Variants in NBPF3 observed in about 807,000 individuals in gnomAD.
NBPF3 encodes the protein NBPF family member NBPF3.
In NBPF3, 57 loss-of-function variants were observed where a neutral mutation model predicts 78.1. The ratio of observed to expected loss-of-function variants is 0.73; its 90% confidence interval spans 0.59 to 0.91. The LOEUF is 0.91. Ranked by LOEUF, NBPF3 falls within the 40% of genes least tolerant of loss-of-function variation. The probability of loss-of-function intolerance (pLI) is 0.00; values close to 1 mark genes in which losing one functional copy is unlikely to be tolerated. For missense variants in NBPF3, 510 were observed against 715.3 expected (o/e 0.71, Z 3.27); for synonymous variants, 182 against 271.7 (o/e 0.67, Z 3.25).
At chr1:21,453,602 C>G (rs959483250) in intron 2 of NBPF3, 1 of 152,150 alleles carries the variant, frequency 6.6e-6, no homozygotes, top group African/African-American at 2.4e-5. Context: ...AGAGATAAGG[C>G]GGGAGGGATT....
chr1:21,442,150 C>T (rs1640688666), intron 1 of NBPF3: 2 of 152,124 alleles, frequency 1.3e-5, no homozygotes, highest in African/African-American at 4.8e-5. Flanking sequence ...TATTGCATTT[C>T]CCTTTTTTCA....
intron 9 of NBPF3, 152 bp downstream of exon 9, chr1:21,478,459 C>T (rs1481808354): frequency 5.3e-5 from 55 of 1,035,516 alleles, no homozygotes; most frequent in Non-Finnish European, 7.9e-5. Context: ...ACTCTGGAAT[C>T]GAGTCTGAAG....
At chr1:21,445,615 G>C (rs1640924456) in intron 2 of NBPF3, among the ~76,000 whole-genome samples, 1 of 149,312 alleles carries the variant, frequency 6.7e-6, no homozygotes, top group African/African-American at 2.5e-5. Flanking sequence ...CCCCCTCCCT[G>C]TCCACCTGCA....
chr1:21,474,493 T>G (rs1642783777), intron 7 of NBPF3, among the ~76,000 whole-genome samples: 1 of 152,236 alleles, frequency 6.6e-6, no homozygotes, highest in Non-Finnish European at 1.5e-5. Context: ...ATGCAAGAGT[T>G]GTTAGAATTT....
intron 1 of NBPF3, among the ~76,000 whole-genome samples, chr1:21,443,251 T>A (rs1423592372): frequency 1.3e-5 from 2 of 152,218 alleles, no homozygotes; most frequent in South Asian, 2.1e-4. Flanking sequence ...TAAATGATTG[T>A]CAGTTTCTTG....
chr1:21,439,488 TC>T (rs1159000409), upstream of NBPF3, among the ~76,000 whole-genome samples: 2 of 30,534 alleles, frequency 6.6e-5, no homozygotes, highest in Non-Finnish European at 8.4e-4. Context: ...AGACTCTATC[TC>T]AAAAAAAAAA....
chr1:21,436,961 G>A (rs1640438378), upstream of NBPF3: 2 of 371,424 alleles, frequency 5.4e-6, no homozygotes, highest in Non-Finnish European at 9.6e-6. The surrounding 1 kb of genome is among the most constrained non-coding windows in gnomAD (Gnocchi z 4.3). Flanking sequence ...AATAGTGTCT[G>A]AGAGTGTCAG....
intron 1 of NBPF3, chr1:21,440,708 G>C (rs932020450): frequency 4.6e-5 from 7 of 152,470 alleles, no homozygotes; most frequent in African/African-American, 1.4e-4. Flanking sequence ...CCCTCTGCGG[G>C]CCTGAGAGGC....
At chr1:21,457,809 GACCA>G in intron 2 of NBPF3, among the ~76,000 whole-genome samples, 1 of 152,298 alleles carries the variant, frequency 6.6e-6, no homozygotes, top group East Asian at 1.9e-4. Flanking sequence ...TGTATTTCCA[GACCA>G]GACTGAGGGG....
At position 21,479,418 on chromosome 1, in the gene NBPF3, T is replaced by C. The variant is rs1368325019; in HGVS notation, c.1208+18T>C. The C allele has an allele frequency of 3.7e-6, 6 of 1,606,616 alleles. No homozygotes were observed. Among genetic ancestry groups the C allele is most frequent in the Middle Eastern group, 1.7e-4 (1 of 6,044 alleles). On this transcript the variant is annotated intron_variant, in intron 10 of 14. Transcript: ENST00000318249. ...AGTCCCAGGTGAGTCTGAGAAATTA[T>C]GGACAGTTAATTTGATGTTGACACC...
chr1:21,457,743 T>G (rs1427853321), intron 2 of NBPF3, among the ~76,000 whole-genome samples: 2 of 152,220 alleles, frequency 1.3e-5, no homozygotes, highest in African/African-American at 4.8e-5. Context: ...GCAAATCAGA[T>G]GGACAGTCTT....
At chr1:21,479,471 T>C (rs1643064010) in intron 10 of NBPF3, 71 bp downstream of exon 10, 2 of 1,329,470 alleles carry the variant, frequency 1.5e-6, no homozygotes, top group South Asian at 2.3e-5. Flanking sequence ...GGGAAAGCAG[T>C]ACATGCTGAA....
chr1:21,440,097 G>A (rs1333681284), upstream of NBPF3: 2 of 150,824 alleles, frequency 1.3e-5, no homozygotes, highest in South Asian at 2.1e-4. Context: ...TCCGGACCCT[G>A]AGGAGCCAGT....
chr1:21,479,748 ACT>A (rs1643080120), intron 10 of NBPF3, among the ~76,000 whole-genome samples: 1 of 120,978 alleles, frequency 8.3e-6, no homozygotes, highest in African/African-American at 3.3e-5. Flanking sequence ...GTGTTCTTTG[ACT>A]CTCTCATCAG....
rs1643110582 is a variant in NBPF3, at chr1:21,479,906, A to G, written c.1209-145A>G. Reference sequence around the variant, plus strand: ...TTCTACCTGGCCCTGGTCTGTCCCAACATGAAGGCAATAATTTGTTACCTC... The same window carrying G: ...TTCTACCTGGCCCTGGTCTGTCCCAGCATGAAGGCAATAATTTGTTACCTC... On this transcript the variant is annotated intron_variant, in intron 10 of 14. Coordinates refer to ENST00000318249, the MANE Select transcript of NBPF3 (RefSeq NM_032264.6). 4.3e-6 allele frequency: 3 copies of G among 695,926 alleles called. No individual in the cohort carries two copies. The African/African-American group carries it at 5.3e-5, about 12-fold the overall frequency. 43.1% of individuals were successfully genotyped at this position (695,926 alleles called of 1,614,324 possible).
At chr1:21,469,474 C>G (rs1642467056) in intron 3 of NBPF3, among the ~76,000 whole-genome samples, 1 of 152,174 alleles carries the variant, frequency 6.6e-6, no homozygotes, top group South Asian at 2.1e-4. Flanking sequence ...CTCCTGTAAT[C>G]CAAGCACTTT....
At chr1:21,468,951 C>T (rs753791875) in intron 3 of NBPF3, 54 bp downstream of exon 3, 24 of 1,342,658 alleles carry the variant, frequency 1.8e-5, no homozygotes, top group South Asian at 3.7e-5. Flanking sequence ...CCTGTCTTCT[C>T]GCTGAGAAAC....
chr1:21,473,481 CT>C lies in NBPF3; in HGVS notation c.838del (p.Tyr280ThrfsTer94), dbSNP rs750831912. On this transcript the variant is annotated frameshift_variant, in exon 7 of 15. Transcript: ENST00000318249. LOFTEE classifies it high-confidence loss of function. ...NSHHPCESNQ[P>X]YGNTRITFEE... ...CACCACCCTTGTGAGTCCAACCAGC[CT>C]TACGGGAACACCAGAATCACATTTG... 5 of 1,614,208 alleles carry C rather than the reference CT, an allele frequency of 3.1e-6. No individual in the cohort carries two copies. The highest frequency in any genetic ancestry group is 4.2e-6 in the Non-Finnish European group (5 of 1,180,034).
intron 1 of NBPF3, 114 bp downstream of exon 1, chr1:21,440,462 A>AGGTGGGG: frequency 1.0e-4 from 1 of 9,840 alleles, no homozygotes; most frequent in South Asian, 3.1e-3. Flanking sequence ...GGCGGGTGGG[A>AGGTGGGG]GGTGGGGGGT....
Sources: allele counts gnomAD v4.1 joint callset (sites outside exome capture counted in the v4.1 genomes callset), GRCh38; gene constraint gnomAD v4.1.1; non-coding constraint Gnocchi (gnomAD v3.1); transcripts MANE v1.5; gene names NCBI Gene and HGNC (gene_info 2026-07-23, HGNC 2026-07-21).